Variants in LEF1 observed in about 807,000 individuals in gnomAD.
LEF1 encodes lymphoid enhancer-binding factor 1.
LEF1 carries 14 observed loss-of-function variants against 51.2 expected under a neutral mutation model. The ratio of observed to expected loss-of-function variants is 0.27; its 90% confidence interval spans 0.18 to 0.43. LEF1 has a LOEUF of 0.43. LEF1 is among the 20% of genes least tolerant of loss of function. The probability of loss-of-function intolerance (pLI) is 1.00; values close to 1 mark genes in which losing one functional copy is unlikely to be tolerated. For missense variants in LEF1, 386 were observed against 512.0 expected (o/e 0.75, Z 2.37); for synonymous variants, 185 against 183.2 (o/e 1.01, Z -0.08).
chr4:108,059,782 A>G (rs1428297184), intron 11 of LEF1, among the ~76,000 whole-genome samples: 1 of 152,140 alleles, frequency 6.6e-6, no homozygotes, highest in Non-Finnish European at 1.5e-5. Context: ...AGCTCACTGC[A>G]GCCTTGACAT....
At chr4:108,048,782 T>C in intron 11 of LEF1, 31 bp from the exon 12 acceptor site, 1 of 1,540,458 alleles carries the variant, frequency 6.5e-7, no homozygotes, top group Non-Finnish European at 8.9e-7. Context: ...ATGCTATTAA[T>C]ATGAATTTGC....
intron 8 of LEF1, among the ~76,000 whole-genome samples, chr4:108,076,066 C>A (rs2126282390): frequency 6.6e-6 from 1 of 152,262 alleles, no homozygotes; most frequent in East Asian, 1.9e-4. Flanking sequence ...GCGGCACACA[C>A]ATGCTACTCC....
chr4:108,146,105 C>CA (rs1743987268), intron 3 of LEF1, among the ~76,000 whole-genome samples: 1 of 152,176 alleles, frequency 6.6e-6, no homozygotes, highest in South Asian at 2.1e-4. Flanking sequence ...CCCAATTAAA[C>CA]AAAAGCCAGA....
intron 6 of LEF1, among the ~76,000 whole-genome samples, chr4:108,080,038 G>A (rs1430974114): frequency 3.3e-5 from 5 of 152,206 alleles, no homozygotes; most frequent in East Asian, 1.9e-4. Context: ...CTGAGAAAAC[G>A]GATAGGAATC....
chr4:108,125,996 T>A (rs1200554320), intron 3 of LEF1, among the ~76,000 whole-genome samples: 2 of 152,218 alleles, frequency 1.3e-5, no homozygotes, highest in Non-Finnish European at 2.9e-5. Flanking sequence ...AGTACTTAGA[T>A]GTACATGAAA....
Position 108,084,332 on chromosome 4 carries a change from T to C in LEF1, c.548-886A>G, listed in dbSNP as rs572835619. On this transcript the variant is annotated intron_variant, in intron 4 of 11. Coordinates refer to ENST00000265165, the MANE Select transcript of LEF1 (RefSeq NM_016269.5). ...AGATGTGTCTTCACATAGCTAATGA[T>C]GGCTTTAAAAGACCACTTCCATATA... is the stretch of plus-strand genomic sequence containing the variant. Among the ~76,000 whole-genome samples, 9 of 152,362 alleles carry C rather than the reference T, an allele frequency of 5.9e-5. No homozygotes were observed. The South Asian group carries it at 1.9e-3, about 32-fold the overall frequency.
intron 3 of LEF1, among the ~76,000 whole-genome samples, chr4:108,156,524 C>A (rs1744710359): frequency 6.6e-6 from 1 of 152,120 alleles, no homozygotes; most frequent in Non-Finnish European, 1.5e-5. Context: ...TGCAAAATTT[C>A]TTCTACATTC....
In LEF1 at chr4:108,078,335, T is replaced by C; in HGVS notation, c.893A>G (p.His298Arg). ...QRKEQEPKRP[H>R]IKKPLNAFML... is the part of the protein sequence containing the mutation. ...AAAAGCATTCAGAGGCTTCTTAATG[T>C]GAGGTCTTTTTGGCTCCTGCTCCTT... is the stretch of plus-strand genomic sequence containing the variant. The change falls in exon 8 of 12, where the codon CAC (histidine) becomes CGC (arginine). Residue 298 changes from histidine (H) to arginine (R), a missense_variant. This residue lies in a region of LEF1 where 335 missense variants were observed against 390.7 expected (regional missense o/e 0.86). Coordinates refer to ENST00000265165, the MANE Select transcript of LEF1 (RefSeq NM_016269.5). The C allele has an allele frequency of 6.2e-7, 1 of 1,614,154 alleles. No homozygotes were observed. The highest frequency in any genetic ancestry group is 8.5e-7 in the Non-Finnish European group (1 of 1,180,026).
intron 11 of LEF1, among the ~76,000 whole-genome samples, chr4:108,053,345 G>A (rs1328890559): frequency 6.6e-6 from 1 of 152,204 alleles, no homozygotes; most frequent in African/African-American, 2.4e-5. Context: ...TGGTTAGGAA[G>A]GTTAACACTG....
chr4:108,111,966 C>T (rs1741559585), intron 3 of LEF1, among the ~76,000 whole-genome samples: 1 of 152,166 alleles, frequency 6.6e-6, no homozygotes, highest in Non-Finnish European at 1.5e-5. Context: ...AGGTCCTAGT[C>T]TTATGGTGGA....
Position 108,165,169 on chromosome 4 carries a change from A to G in LEF1, c.214-6T>C, listed in dbSNP as rs758776338. 7.4e-6 allele frequency: 12 copies of G among 1,613,822 alleles called. No individual in the cohort carries two copies. The East Asian group carries it at 2.5e-4, about 33-fold the overall frequency. Reference sequence around the variant, plus strand: ...GTTTGTGCTTGTCTGGCCACCTAACATCATGAATCCCCACACCCAAAAGAA... The same window carrying G: ...GTTTGTGCTTGTCTGGCCACCTAACGTCATGAATCCCCACACCCAAAAGAA... On this transcript the variant is annotated splice_region_variant and splice_polypyrimidine_tract_variant and intron_variant, in intron 1 of 11. Transcript: ENST00000265165.
At chr4:108,148,737 C>T (rs1744145867) in intron 3 of LEF1, among the ~76,000 whole-genome samples, 1 of 152,186 alleles carries the variant, frequency 6.6e-6, no homozygotes, top group African/African-American at 2.4e-5. Context: ...GATTTATCTT[C>T]ATTCTACCAG....
At chr4:108,094,722 C>A (rs959310137) in intron 3 of LEF1, among the ~76,000 whole-genome samples, 2 of 152,212 alleles carry the variant, frequency 1.3e-5, no homozygotes, top group Non-Finnish European at 2.9e-5. Context: ...TTTCAACTGG[C>A]TGTGCATTTA....
rs1326804845 is a variant in LEF1 at position 108,166,364 on chromosome 4, T to G, written c.213+1191A>C. 2.0e-6 allele frequency: 3 copies of G among 1,494,110 alleles called. No homozygotes were observed. The Admixed American group carries it at 7.2e-5, about 36-fold the overall frequency. The allele number at this position is 1,494,110 out of a possible 1,614,324, so 92.6% of individuals were successfully genotyped here. A position where few individuals can be genotyped will look rare whatever the true frequency, so the allele number is the denominator to read the frequency against. On this transcript the variant is annotated intron_variant, in intron 1 of 11. Transcript: ENST00000265165. ...TCCCCGCCCTCAAAACCACACACTT[T>G]CTTTTTGGGGGTAGAAAGATGCCAT...
chr4:108,132,173 G>A (rs1742938850), intron 3 of LEF1, among the ~76,000 whole-genome samples: 1 of 152,148 alleles, frequency 6.6e-6, no homozygotes, highest in Non-Finnish European at 1.5e-5. Context: ...TAATTAACTA[G>A]TCCGGCTGAT....
Position 108,167,432 on chromosome 4 carries a change from A to G in LEF1, c.213+123T>C, listed in dbSNP as rs1281770380. On this transcript the variant is annotated intron_variant, in intron 1 of 11. Coordinates refer to ENST00000265165, the MANE Select transcript of LEF1 (RefSeq NM_016269.5). The surrounding 1 kb of genome is among the most constrained non-coding windows in gnomAD (Gnocchi z 5.7). ...GGCCCAGCTACGCACACACCCCAAA[A>G]CAAACGAGGGATCTACTCGGGACCC... 1 of 892,010 alleles carries G rather than the reference A, an allele frequency of 1.1e-6. No homozygotes were observed. Among genetic ancestry groups the G allele is most frequent in the Non-Finnish European group, 1.8e-6 (1 of 569,798 alleles). 55.3% of individuals were successfully genotyped at this position (892,010 alleles called of 1,614,324 possible). A position where few individuals can be genotyped will look rare whatever the true frequency, so the allele number is the denominator to read the frequency against.
At position 108,167,469 on chromosome 4, in the gene LEF1, G is replaced by T; in HGVS notation, c.213+86C>A. On this transcript the variant is annotated intron_variant, in intron 1 of 11. Transcript: ENST00000265165. The surrounding 1 kb of genome is among the most constrained non-coding windows in gnomAD (Gnocchi z 5.7). ...TCTACTCGGGACCCTCAGCCGGGCG[G>T]CCGGGCGCCTTCGTTCCCTTCCTCC... 1 of 1,387,664 alleles carries T rather than the reference G, an allele frequency of 7.2e-7. No homozygotes were observed. The highest frequency in any genetic ancestry group is 1.0e-6 in the Non-Finnish European group (1 of 995,726). The allele number at this position is 1,387,664 out of a possible 1,614,324, so 86.0% of individuals were successfully genotyped here. A position where few individuals can be genotyped will look rare whatever the true frequency, so the allele number is the denominator to read the frequency against.
chr4:108,057,691 G>C (rs1274409353), intron 11 of LEF1, among the ~76,000 whole-genome samples: 1 of 151,958 alleles, frequency 6.6e-6, no homozygotes, highest in Non-Finnish European at 1.5e-5. Context: ...TCAGGCTCTC[G>C]AACATCATCA....
chr4:108,062,652 C>T (rs1182772700), intron 11 of LEF1, among the ~76,000 whole-genome samples: 1 of 152,066 alleles, frequency 6.6e-6, no homozygotes, highest in Non-Finnish European at 1.5e-5. Context: ...CCAGGAGCAA[C>T]GTGAAGGATG....
Sources: allele counts gnomAD v4.1 joint callset (sites outside exome capture counted in the v4.1 genomes callset), GRCh38; gene constraint gnomAD v4.1.1; regional missense constraint gnomAD v4.1.1; non-coding constraint Gnocchi (gnomAD v3.1); transcripts MANE v1.5; gene names NCBI Gene and HGNC (gene_info 2026-07-23, HGNC 2026-07-21).